Variants in KCND2 observed in about 807,000 individuals in gnomAD.
KCND2 encodes A-type voltage-gated potassium channel KCND2.
Under a neutral mutation model 54.4 loss-of-function variants are expected in KCND2, and 16 were observed. That is an observed-to-expected ratio of 0.29 (90% CI 0.20 to 0.45). KCND2 has a LOEUF of 0.45. Among genes scored for constraint, KCND2 ranks in the 20% least tolerant of loss-of-function variants. The pLI is 1.00. For synonymous variants in KCND2, 317 were observed against 310.7 expected, an observed-to-expected ratio of 1.02 and a Z score of -0.21; for missense variants, 486 against 824.2, an observed-to-expected ratio of 0.59 and a Z score of 5.02.
chr7:120,310,873 T>C (rs1162126192), intron 1 of KCND2, among the ~76,000 whole-genome samples: 2 of 150,654 alleles, frequency 1.3e-5, no homozygotes, highest in African/African-American at 2.4e-5. Context: ...GAGTTGGAGG[T>C]TGCAGTGAGC....
chr7:120,331,882 A>G (rs997534867), intron 1 of KCND2, among the ~76,000 whole-genome samples: 3 of 152,102 alleles, frequency 2.0e-5, no homozygotes, highest in African/African-American at 7.2e-5. Flanking sequence ...ATTTTATCCC[A>G]TTATTTCTAG....
chr7:120,716,583 A>G (rs1048950979), intron 1 of KCND2, among the ~76,000 whole-genome samples: 8 of 152,106 alleles, frequency 5.3e-5, no homozygotes, highest in Admixed American at 4.6e-4. Flanking sequence ...CTTTTAAAAA[A>G]GTCAGTTCAC....
At chr7:120,311,577 A>G (rs1394129674) in intron 1 of KCND2, among the ~76,000 whole-genome samples, 2 of 152,088 alleles carry the variant, frequency 1.3e-5, no homozygotes, top group Admixed American at 6.6e-5. Flanking sequence ...CTCCTTTTTT[A>G]ACTTCTATTT....
intron 1 of KCND2, among the ~76,000 whole-genome samples, chr7:120,356,483 T>A (rs1211246513): frequency 6.6e-6 from 1 of 152,182 alleles, no homozygotes. Context: ...GGCAGTAGTA[T>A]ATCATGTTAG....
At chr7:120,342,759 TATA>T (rs1024726876) in intron 1 of KCND2, among the ~76,000 whole-genome samples, 4 of 152,178 alleles carry the variant, frequency 2.6e-5, no homozygotes, top group Non-Finnish European at 4.4e-5. Flanking sequence ...ATGCATATAA[TATA>T]ATAATATGGG....
At chr7:120,428,850 GT>G (rs1801751472) in intron 1 of KCND2, among the ~76,000 whole-genome samples, 2 of 152,164 alleles carry the variant, frequency 1.3e-5, no homozygotes, top group African/African-American at 2.4e-5. Context: ...ATTCTGGGCT[GT>G]GATAAAATAC....
At position 120,319,105 on chromosome 7, in the gene KCND2, G is replaced by A. The variant is rs139352184; in HGVS notation, c.1115+43358G>A. Among the ~76,000 whole-genome samples, 150 of 152,090 alleles carry A rather than the reference G, an allele frequency of 9.9e-4. 1 individual carries two copies. Among genetic ancestry groups the A allele is most frequent in the African/African-American group, 3.4e-3 (143 of 41,536 alleles). On this transcript the variant is annotated intron_variant, in intron 1 of 5. Coordinates refer to ENST00000331113, the MANE Select transcript of KCND2 (RefSeq NM_012281.3). ...TTTTACTACATGGAAGCATCAGAGC[G>A]TTTAATTTTATATTTTCTAAGCTGC...
At chr7:120,459,963 G>A (rs1017355302) in intron 1 of KCND2, among the ~76,000 whole-genome samples, 1 of 152,112 alleles carries the variant, frequency 6.6e-6, no homozygotes, top group Admixed American at 6.5e-5. Flanking sequence ...TCTTGTACTT[G>A]TTTCTTTTTC....
chr7:120,295,274 GTTCT>G (rs1263041570), intron 1 of KCND2, among the ~76,000 whole-genome samples: 1 of 151,160 alleles, frequency 6.6e-6, no homozygotes, highest in East Asian at 1.9e-4. Context: ...ACTGGGCCAT[GTTCT>G]TTCTAAGTGT....
At chr7:120,489,844 T>C (rs1361702168) in intron 1 of KCND2, among the ~76,000 whole-genome samples, 2 of 152,140 alleles carry the variant, frequency 1.3e-5, no homozygotes, top group Non-Finnish European at 2.9e-5. Flanking sequence ...CTTACATTTC[T>C]ATTGTGGGCC....
chr7:120,516,491 T>C (rs1404709661), intron 1 of KCND2, among the ~76,000 whole-genome samples: 2 of 152,130 alleles, frequency 1.3e-5, no homozygotes, highest in African/African-American at 4.8e-5. Context: ...AAAGACACCC[T>C]GATGGCTTTC....
chr7:120,612,520 T>C (rs1429703701), intron 1 of KCND2, among the ~76,000 whole-genome samples: 2 of 152,208 alleles, frequency 1.3e-5, no homozygotes, highest in Non-Finnish European at 2.9e-5. Context: ...ACATGAGACA[T>C]GGATAATTGT....
intron 1 of KCND2, among the ~76,000 whole-genome samples, chr7:120,363,273 G>A (rs1198335470): frequency 6.6e-6 from 1 of 152,024 alleles, no homozygotes; most frequent in Non-Finnish European, 1.5e-5. Flanking sequence ...TTTGGCCCTT[G>A]AGCCTGGATG....
chr7:120,311,780 C>A (rs541850225), intron 1 of KCND2, among the ~76,000 whole-genome samples: 1 of 152,266 alleles, frequency 6.6e-6, no homozygotes, highest in African/African-American at 2.4e-5. Context: ...TCCATGTTTT[C>A]TCATCATTTA....
chr7:120,397,395 G>A (rs1044060854), intron 1 of KCND2, among the ~76,000 whole-genome samples: 33 of 152,054 alleles, frequency 2.2e-4, no homozygotes, highest in African/African-American at 7.5e-4. Context: ...TATAGTTAAG[G>A]TCTTTTGGCC....
intron 1 of KCND2, among the ~76,000 whole-genome samples, chr7:120,583,736 A>G (rs1170818215): frequency 6.7e-6 from 1 of 150,046 alleles, no homozygotes; most frequent in African/African-American, 2.5e-5. Flanking sequence ...ATATCTCCAA[A>G]TAATCACCTT....
At chr7:120,335,642 C>T (rs1204744948) in intron 1 of KCND2, among the ~76,000 whole-genome samples, 6 of 151,814 alleles carry the variant, frequency 4.0e-5, no homozygotes, top group African/African-American at 9.7e-5. Context: ...CCCCCCACCA[C>T]GCCTGGCTAA....
At chr7:120,736,805 T>C (rs999237845) in intron 2 of KCND2, among the ~76,000 whole-genome samples, 17 of 151,576 alleles carry the variant, frequency 1.1e-4, no homozygotes, top group African/African-American at 4.1e-4. Context: ...GTGATTAAAG[T>C]CCAAGGCAAA....
At chr7:120,686,010 A>T (rs1358171248) in intron 1 of KCND2, among the ~76,000 whole-genome samples, 1 of 152,186 alleles carries the variant, frequency 6.6e-6, no homozygotes, top group African/African-American at 2.4e-5. Context: ...ACATGCCTAC[A>T]CTAAACAGAA....
Sources: allele counts gnomAD v4.1 joint callset (sites outside exome capture counted in the v4.1 genomes callset), GRCh38; gene constraint gnomAD v4.1.1; transcripts MANE v1.5; gene names NCBI Gene and HGNC (gene_info 2026-07-23, HGNC 2026-07-21).